FOXP1: variants seen among roughly 807,000 people sequenced by gnomAD.
The protein encoded by FOXP1 is forkhead box P1.
FOXP1 carries 15 observed loss-of-function variants against 98.2 expected under a neutral mutation model. That is an observed-to-expected ratio of 0.15 (90% CI 0.10 to 0.24). The LOEUF is 0.24. FOXP1 is among the 10% of genes least tolerant of loss of function. FOXP1 has a pLI of 1.00. For synonymous variants in FOXP1, 371 were observed against 314.5 expected (o/e 1.18, Z -1.90); for missense variants, 633 against 848.5 (o/e 0.75, Z 3.15).
At chr3:71,561,473 G>GT (rs1398108393) in intron 2 of FOXP1, among the ~76,000 whole-genome samples, 1 of 149,982 alleles carries the variant, frequency 6.7e-6, no homozygotes, top group Non-Finnish European at 1.5e-5. Flanking sequence ...ACCACGACCC[G>GT]TTGTGATTAC....
chr3:71,217,688 C>CCCTA (rs1430422120), intron 5 of FOXP1, among the ~76,000 whole-genome samples: 2 of 151,956 alleles, frequency 1.3e-5, no homozygotes, highest in Non-Finnish European at 2.9e-5. Context: ...GGAGTTGGAA[C>CCCTA]CCTACATTAG....
At chr3:71,436,727 T>A (rs1466527562) in intron 3 of FOXP1, among the ~76,000 whole-genome samples, 2 of 151,696 alleles carry the variant, frequency 1.3e-5, no homozygotes, top group Non-Finnish European at 2.9e-5. Flanking sequence ...CCGAGAATGA[T>A]GATGAGAATA....
chr3:71,448,589 T>C (rs570999299), intron 3 of FOXP1, among the ~76,000 whole-genome samples: 2 of 152,338 alleles, frequency 1.3e-5, no homozygotes, highest in South Asian at 2.1e-4. Context: ...TGTCCTCATA[T>C]GTAAACTAGT....
intron 11 of FOXP1, among the ~76,000 whole-genome samples, chr3:71,018,457 A>C (rs2044854133): frequency 6.6e-6 from 1 of 152,186 alleles, no homozygotes; most frequent in South Asian, 2.1e-4. Context: ...TTCACATATT[A>C]AACTGCAGTG....
chr3:70,957,989 G>GTTT lies in FOXP1; in HGVS notation c.*1255_*1257dup. The GTTT allele has an allele frequency of 2.3e-5, 5 of 214,630 alleles. No homozygotes were observed. Among genetic ancestry groups the GTTT allele is most frequent in the Non-Finnish European group, 3.6e-5 (4 of 109,662 alleles). 13.3% of individuals were successfully genotyped at this position (214,630 alleles called of 1,614,324 possible). ...TCAGGGCAGCTGCTCGGGGAAGCCG[G>GTTT]TTTTTTTTTTTGGCCATTTTGCAAA... On this transcript the variant is annotated 3_prime_UTR_variant, in exon 21 of 21. Coordinates refer to ENST00000649528, the MANE Select transcript of FOXP1 (RefSeq NM_001349338.3).
At chr3:71,132,818 AC>A (rs2059636983) in intron 6 of FOXP1, among the ~76,000 whole-genome samples, 1 of 152,218 alleles carries the variant, frequency 6.6e-6, no homozygotes, top group Non-Finnish European at 1.5e-5. Context: ...AATGCAAAAA[AC>A]AACACAAACA....
chr3:71,017,871 CTG>C (rs1195250474), intron 11 of FOXP1, among the ~76,000 whole-genome samples: 1 of 152,190 alleles, frequency 6.6e-6, no homozygotes, highest in African/African-American at 2.4e-5. Context: ...AAATTTAACA[CTG>C]TGAATATTCT....
intron 5 of FOXP1, among the ~76,000 whole-genome samples, chr3:71,213,267 C>T (rs903997722): frequency 6.6e-6 from 1 of 152,196 alleles, no homozygotes; most frequent in African/African-American, 2.4e-5. Context: ...CATGTGAAGA[C>T]AACTAAGGCA....
chr3:71,443,988 G>C (rs1364039081), intron 3 of FOXP1, among the ~76,000 whole-genome samples: 2 of 152,110 alleles, frequency 1.3e-5, no homozygotes, highest in African/African-American at 4.8e-5. Context: ...CTCCTTCAGA[G>C]GGGCTTCACC....
chr3:71,112,445 A>T lies in FOXP1; in HGVS notation c.282+91T>A, dbSNP rs2058019458. On this transcript the variant is annotated intron_variant, in intron 7 of 20. Transcript: ENST00000649528. Reference sequence around the variant, plus strand: ...TTTCCACAGAAGATTTTCTTACATGATTTGCAATGCTCAACACAATCCACT... The same window carrying T: ...TTTCCACAGAAGATTTTCTTACATGTTTTGCAATGCTCAACACAATCCACT... 13 of 1,030,426 alleles carry T rather than the reference A, an allele frequency of 1.3e-5. 1 individual carries two copies. In the South Asian group the frequency reaches 1.6e-4, roughly 12 times the overall value. 63.8% of individuals were successfully genotyped at this position (1,030,426 alleles called of 1,614,324 possible).
chr3:71,545,911 T>C (rs1033644579), intron 2 of FOXP1, among the ~76,000 whole-genome samples: 5 of 152,202 alleles, frequency 3.3e-5, no homozygotes, highest in Admixed American at 1.3e-4. Flanking sequence ...CAGTGAACCA[T>C]GGGCACAGGT....
intron 3 of FOXP1, among the ~76,000 whole-genome samples, chr3:71,394,899 G>A (rs1245433999): frequency 2.0e-5 from 3 of 151,932 alleles, no homozygotes; most frequent in African/African-American, 4.8e-5. Context: ...TCGGGAGTTC[G>A]AGACCAGCCT....
chr3:71,200,068 C>T (rs1359661582), intron 5 of FOXP1, among the ~76,000 whole-genome samples: 4 of 109,628 alleles, frequency 3.6e-5, no homozygotes, highest in African/African-American at 7.5e-5. Context: ...AGCTACAGAG[C>T]GAGACTCCAT....
intron 5 of FOXP1, among the ~76,000 whole-genome samples, chr3:71,227,260 C>T (rs1478969889): frequency 4.6e-5 from 7 of 152,040 alleles, no homozygotes; most frequent in Admixed American, 2.0e-4. Flanking sequence ...CTCTAAGATT[C>T]GGAACACAAA....
At chr3:71,539,467 T>A (rs907881142) in intron 2 of FOXP1, among the ~76,000 whole-genome samples, 1 of 149,952 alleles carries the variant, frequency 6.7e-6, no homozygotes, top group Admixed American at 6.7e-5. Context: ...CTTCCTGGCA[T>A]TTCCATATGA....
intron 19 of FOXP1, chr3:70,966,328 G>A: frequency 4.2e-6 from 2 of 474,088 alleles, no homozygotes; most frequent in South Asian, 4.2e-5. Flanking sequence ...TAGTCACATG[G>A]TTTAGACGGG....
rs1387803611 is a variant in FOXP1 at position 71,380,739 on chromosome 3, T to C, written c.-167-21495A>G. Among the ~76,000 whole-genome samples, 3 of 147,128 alleles carry C rather than the reference T, an allele frequency of 2.0e-5. No individual in the cohort carries two copies. The Admixed American group carries it at 2.1e-4, about 10-fold the overall frequency. ...TTTTTTGCAAAACAATCTTATGGTATTGTGTTTGCCTCTCATTACTCTTAC... is the reference window on the plus strand; with the variant it reads ...TTTTTTGCAAAACAATCTTATGGTACTGTGTTTGCCTCTCATTACTCTTAC... On this transcript the variant is annotated intron_variant, in intron 3 of 20. Transcript: ENST00000649528.
chr3:71,547,797 CTA>C (rs1321010169), intron 2 of FOXP1, among the ~76,000 whole-genome samples: 3 of 152,228 alleles, frequency 2.0e-5, no homozygotes, highest in Admixed American at 2.0e-4. Flanking sequence ...ACAGCTGTGA[CTA>C]TTCAATCCTT....
chr3:71,089,199 T>C (rs1239367185), intron 7 of FOXP1, among the ~76,000 whole-genome samples: 1 of 152,196 alleles, frequency 6.6e-6, no homozygotes, highest in Non-Finnish European at 1.5e-5. Context: ...CCAATAAATA[T>C]GGCAGAAGTA....
Sources: gnomAD v4.1 joint callset for allele counts (sites outside exome capture counted in the v4.1 genomes callset) on GRCh38, gnomAD v4.1.1 for gene constraint, MANE v1.5 for transcripts, NCBI Gene and HGNC (gene_info 2026-07-23, HGNC 2026-07-21) for gene names.